The following CNTN5 variants were observed in gnomAD, a reference collection of about 807,000 sequenced individuals.
The protein encoded by CNTN5 is contactin-5.
In CNTN5, 77 loss-of-function variants were observed where a neutral mutation model predicts 129.1. That is an observed-to-expected ratio of 0.60 (90% CI 0.50 to 0.72). The LOEUF (loss-of-function observed/expected upper bound fraction) is 0.72, where lower values mean the gene tolerates loss of function less well. Among genes scored for constraint, CNTN5 ranks in the 30% least tolerant of loss-of-function variants. The pLI is 0.00. For synonymous variants in CNTN5, 509 were observed against 465.6 expected (o/e 1.09, Z -1.20); for missense variants, 1,478 against 1,328.8 (o/e 1.11, Z -1.75).
intron 7 of CNTN5, among the ~76,000 whole-genome samples, chr11:99,917,083 A>T (rs919953978): frequency 6.6e-6 from 1 of 151,940 alleles, no homozygotes; most frequent in African/African-American, 2.4e-5. Flanking sequence ...TTTTCTTAAG[A>T]CTTCTTTATC....
chr11:99,556,705 T>A (rs1948686066), intron 3 of CNTN5, among the ~76,000 whole-genome samples: 1 of 149,922 alleles, frequency 6.7e-6, no homozygotes, highest in Admixed American at 6.7e-5. Flanking sequence ...CTCATCACAA[T>A]GCTAAATTTC....
At chr11:99,652,374 T>TA (rs1800126921) in intron 3 of CNTN5, among the ~76,000 whole-genome samples, 1 of 152,098 alleles carries the variant, frequency 6.6e-6, no homozygotes, top group Non-Finnish European at 1.5e-5. Flanking sequence ...CCATCATCTA[T>TA]ACTATCTATA....
chr11:99,607,822 C>T (rs1220358036), intron 3 of CNTN5, among the ~76,000 whole-genome samples: 3 of 130,908 alleles, frequency 2.3e-5, no homozygotes, highest in Admixed American at 8.1e-5. Flanking sequence ...AAATTGGAAA[C>T]CATCATTCTC....
intron 13 of CNTN5, among the ~76,000 whole-genome samples, chr11:100,168,585 C>G (rs1001521939): frequency 2.0e-5 from 3 of 151,902 alleles, no homozygotes; most frequent in African/African-American, 7.2e-5. Flanking sequence ...AATAAGATTC[C>G]TTTCAAAATG....
At chr11:99,233,711 GC>G (rs1219363050) in intron 1 of CNTN5, among the ~76,000 whole-genome samples, 1 of 152,162 alleles carries the variant, frequency 6.6e-6, no homozygotes, top group Admixed American at 6.5e-5. Flanking sequence ...ACTTTGGGAG[GC>G]CGAGGTGGGT....
At chr11:100,168,777 A>G (rs1412118124) in intron 13 of CNTN5, among the ~76,000 whole-genome samples, 1 of 152,016 alleles carries the variant, frequency 6.6e-6, no homozygotes, top group African/African-American at 2.4e-5. Flanking sequence ...AAGCTAACAT[A>G]GATAGTAATT....
At chr11:99,059,893 A>C (rs1864803718) in intron 1 of CNTN5, among the ~76,000 whole-genome samples, 1 of 152,046 alleles carries the variant, frequency 6.6e-6, no homozygotes. Flanking sequence ...TGATTGTAAT[A>C]ATTGCTCATA....
intron 9 of CNTN5, among the ~76,000 whole-genome samples, chr11:100,053,262 T>A (rs1337954640): frequency 1.3e-5 from 2 of 151,622 alleles, no homozygotes; most frequent in African/African-American, 4.8e-5. Context: ...TTCATCAAAA[T>A]TAAAACCTGC....
intron 2 of CNTN5, among the ~76,000 whole-genome samples, chr11:99,391,464 G>A (rs1271919899): frequency 1.3e-5 from 2 of 152,238 alleles, no homozygotes; most frequent in Non-Finnish European, 2.9e-5. Context: ...TCTTGCTGCT[G>A]TCATATAGTA....
rs941454472 is a variant in CNTN5 at position 100,358,884 on chromosome 11, T to C, written c.*2664T>C. On this transcript the variant is annotated 3_prime_UTR_variant, in exon 25 of 25. Coordinates refer to ENST00000524871, the MANE Select transcript of CNTN5 (RefSeq NM_014361.4). ...AAATAATTCTCTTTTTATTGACTTTTATCTTCTCTCCTGTCAACTATATGA... is the reference window on the plus strand; with the variant it reads ...AAATAATTCTCTTTTTATTGACTTTCATCTTCTCTCCTGTCAACTATATGA... 1 of 151,894 alleles carries C rather than the reference T, an allele frequency of 6.6e-6. No homozygotes were observed. The highest frequency in any genetic ancestry group is 6.6e-5 in the Admixed American group (1 of 15,206). 9.4% of individuals were successfully genotyped at this position (151,894 alleles called of 1,614,324 possible). A position where few individuals can be genotyped will look rare whatever the true frequency, so the allele number is the denominator to read the frequency against.
intron 1 of CNTN5, among the ~76,000 whole-genome samples, chr11:99,233,616 A>G (rs569714912): frequency 2.0e-5 from 3 of 152,334 alleles, no homozygotes; most frequent in East Asian, 3.9e-4. Context: ...TGTTGTGAAT[A>G]AAATATACAT....
At chr11:99,792,567 G>GTA (rs1565538271) in intron 3 of CNTN5, among the ~76,000 whole-genome samples, 1 of 129,962 alleles carries the variant, frequency 7.7e-6, no homozygotes, top group Non-Finnish European at 1.6e-5. Context: ...GTGTGTGTGT[G>GTA]TGTGTGTGTC....
chr11:99,926,461 C>G (rs1315762063), intron 7 of CNTN5, among the ~76,000 whole-genome samples: 1 of 151,772 alleles, frequency 6.6e-6, no homozygotes, highest in Admixed American at 6.6e-5. Context: ...AAATGGCAAC[C>G]AAAATTTCAC....
intron 3 of CNTN5, among the ~76,000 whole-genome samples, chr11:99,567,407 G>A (rs1949042205): frequency 6.6e-6 from 1 of 151,838 alleles, no homozygotes; most frequent in African/African-American, 2.4e-5. Flanking sequence ...CCTCCATTGA[G>A]TTAAATCCAT....
intron 1 of CNTN5, among the ~76,000 whole-genome samples, chr11:99,053,989 C>T (rs948727073): frequency 2.4e-4 from 36 of 152,032 alleles, no homozygotes; most frequent in Middle Eastern, 3.4e-3. Flanking sequence ...AATAATTTTG[C>T]TGTATCTGAA....
At chr11:99,918,493 C>T (rs1949851508) in intron 7 of CNTN5, among the ~76,000 whole-genome samples, 1 of 152,068 alleles carries the variant, frequency 6.6e-6, no homozygotes, top group South Asian at 2.1e-4. Flanking sequence ...TTTTATGTGT[C>T]TTCCCCAGTC....
chr11:100,030,520 T>A (rs1414293349), intron 9 of CNTN5, among the ~76,000 whole-genome samples: 1 of 152,220 alleles, frequency 6.6e-6, no homozygotes, highest in Admixed American at 6.5e-5. Flanking sequence ...GCCATAGATA[T>A]GCACAATCCA....
intron 2 of CNTN5, among the ~76,000 whole-genome samples, chr11:99,376,850 T>G (rs1429329400): frequency 6.6e-6 from 1 of 152,208 alleles, no homozygotes; most frequent in African/African-American, 2.4e-5. Context: ...AAAAATCCTT[T>G]CTATTCTCAT....
At chr11:99,989,276 G>T (rs1377520204) in intron 8 of CNTN5, among the ~76,000 whole-genome samples, 1 of 151,958 alleles carries the variant, frequency 6.6e-6, no homozygotes. Flanking sequence ...TTTTTATTTT[G>T]ATTTAATTTC....
Sources: allele counts gnomAD v4.1 joint callset (sites outside exome capture counted in the v4.1 genomes callset), GRCh38; gene constraint gnomAD v4.1.1; transcripts MANE v1.5; gene names NCBI Gene and HGNC (gene_info 2026-07-23, HGNC 2026-07-21).